The following TPRG1 variants were observed in gnomAD, a reference collection of about 807,000 sequenced individuals.
TPRG1 encodes the protein tumor protein p63 regulated 1, also known as tumor protein p63-regulated gene 1 protein.
In TPRG1, 29 loss-of-function variants were observed where a neutral mutation model predicts 29.3. The ratio of observed to expected loss-of-function variants is 0.99; its 90% CI spans 0.74 to 1.35. TPRG1 has a LOEUF of 1.35. TPRG1 is among the 40% of genes most tolerant of loss of function. TPRG1 has a pLI of 0.00. For synonymous variants in TPRG1, 130 were observed against 116.8 expected, an observed-to-expected ratio of 1.11 and a Z score of -0.73; for missense variants, 327 against 335.0, an observed-to-expected ratio of 0.98 and a Z score of 0.19.
Position 189,310,552 on chromosome 3 carries a change from T to C in TPRG1, c.633+13T>C. On this transcript the variant is annotated intron_variant, in intron 5 of 5. Transcript: ENST00000345063. Reference sequence around the variant, plus strand: ...TGAAATTTGCAAGGTAGGAGGCATCTTGGGTATTACTCTCAGATTAGCTTT... The same window carrying C: ...TGAAATTTGCAAGGTAGGAGGCATCCTGGGTATTACTCTCAGATTAGCTTT... 1.2e-6 allele frequency: 2 copies of C among 1,602,456 alleles called. No homozygotes were observed. Among genetic ancestry groups the C allele is most frequent in the Non-Finnish European group, 1.7e-6 (2 of 1,173,822 alleles).
intron 1 of TPRG1, among the ~76,000 whole-genome samples, chr3:189,114,541 C>T (rs1393355645): frequency 6.6e-6 from 1 of 152,118 alleles, no homozygotes; most frequent in Admixed American, 6.6e-5. Context: ...CCTTGGTCTC[C>T]CAAAGTGCTG....
intron 4 of TPRG1, among the ~76,000 whole-genome samples, chr3:189,076,460 T>C (rs1436830673): frequency 6.6e-6 from 1 of 152,178 alleles, no homozygotes; most frequent in African/African-American, 2.4e-5. Context: ...TATGCTCCAT[T>C]CTCAGCAAGC....
intron 1 of TPRG1, among the ~76,000 whole-genome samples, chr3:189,107,207 A>G (rs1719929521): frequency 6.6e-6 from 1 of 152,064 alleles, no homozygotes. Context: ...GACCTATTAT[A>G]TAGGGGAATG....
intron 5 of TPRG1, among the ~76,000 whole-genome samples, chr3:189,152,102 C>T (rs763596230): frequency 6.6e-6 from 1 of 152,078 alleles, no homozygotes; most frequent in South Asian, 2.1e-4. Context: ...GCACAAGGCT[C>T]TTATTCTCGT....
intron 3 of TPRG1, among the ~76,000 whole-genome samples, chr3:189,018,182 C>A (rs1402428253): frequency 6.7e-6 from 1 of 149,194 alleles, no homozygotes; most frequent in Non-Finnish European, 1.5e-5. Context: ...TTGTAGGTTG[C>A]CTGTTCACTC....
chr3:189,142,878 A>C (rs1724761146), intron 3 of TPRG1, among the ~76,000 whole-genome samples: 1 of 152,194 alleles, frequency 6.6e-6, no homozygotes, highest in South Asian at 2.1e-4. Context: ...ACCTACTTTA[A>C]TGTCAGCCTA....
intron 1 of TPRG1, among the ~76,000 whole-genome samples, chr3:189,178,210 G>T (rs1729746037): frequency 1.3e-5 from 2 of 152,194 alleles, no homozygotes; most frequent in African/African-American, 4.8e-5. Context: ...GGTTTTTATT[G>T]AGGTGGAGGA....
At chr3:189,302,685 C>A (rs1304473620) in intron 4 of TPRG1, among the ~76,000 whole-genome samples, 1 of 152,196 alleles carries the variant, frequency 6.6e-6, no homozygotes, top group African/African-American at 2.4e-5. Flanking sequence ...GTTTCTTCTC[C>A]TTTGTTCGAA....
intron 4 of TPRG1, among the ~76,000 whole-genome samples, chr3:189,273,734 C>T (rs905589717): frequency 2.6e-5 from 4 of 152,126 alleles, no homozygotes; most frequent in African/African-American, 9.7e-5. Context: ...AAAATCAGTG[C>T]TTTATTCTCC....
chr3:189,192,350 C>T (rs1731824122), intron 1 of TPRG1, among the ~76,000 whole-genome samples: 1 of 152,106 alleles, frequency 6.6e-6, no homozygotes, highest in Non-Finnish European at 1.5e-5. Flanking sequence ...ATTTGTTCAG[C>T]TAATACATAA....
At chr3:189,272,701 CTTTCTTTCTTTCTCCTTCCT>C (rs1231882504) in intron 4 of TPRG1, among the ~76,000 whole-genome samples, 1 of 131,962 alleles carries the variant, frequency 7.6e-6, no homozygotes, top group African/African-American at 3.2e-5. Context: ...CTTTCTCTTT[CTTTCTTTCTTTCTCCTTCCT>C]TCCTTCCTTC....
At chr3:189,179,028 G>A (rs902508074) in intron 1 of TPRG1, among the ~76,000 whole-genome samples, 3 of 152,250 alleles carry the variant, frequency 2.0e-5, no homozygotes, top group Admixed American at 6.5e-5. Flanking sequence ...CTGCTTGGCT[G>A]GAGGTTGGGA....
At chr3:189,001,263 AAAC>A (rs756559234) in intron 2 of TPRG1, among the ~76,000 whole-genome samples, 25 of 152,294 alleles carry the variant, frequency 1.6e-4, no homozygotes, top group East Asian at 5.8e-4. Context: ...CACAACAATA[AAAC>A]AACAACAACA....
chr3:189,080,008 G>A (rs1414302867), intron 4 of TPRG1, among the ~76,000 whole-genome samples: 5 of 152,128 alleles, frequency 3.3e-5, no homozygotes, highest in Non-Finnish European at 7.3e-5. Context: ...GATGCACGTT[G>A]TATAGCTAAA....
chr3:189,023,759 A>T (rs1413520490), exon 4 of TPRG1: 1 of 152,418 alleles, frequency 6.6e-6, no homozygotes, highest in Non-Finnish European at 1.5e-5. Context: ...GGGCTGCTGC[A>T]GTTTGCGGGG....
At chr3:189,080,971 G>A (rs984352563) in intron 4 of TPRG1, among the ~76,000 whole-genome samples, 5 of 152,074 alleles carry the variant, frequency 3.3e-5, no homozygotes, top group Admixed American at 6.5e-5. Flanking sequence ...AGTTACACGT[G>A]GGCCAGCTAG....
intron 5 of TPRG1, among the ~76,000 whole-genome samples, chr3:189,317,923 C>T (rs896384290): frequency 1.3e-5 from 2 of 152,062 alleles, no homozygotes; most frequent in African/African-American, 4.8e-5. Flanking sequence ...TGGGTAGAAA[C>T]CTCTCTTGTG....
chr3:189,048,551 T>A (rs1715109918), intron 4 of TPRG1, among the ~76,000 whole-genome samples: 1 of 152,190 alleles, frequency 6.6e-6, no homozygotes. Flanking sequence ...CTTGTTCCTC[T>A]TAGAAAGTCC....
intron 3 of TPRG1, among the ~76,000 whole-genome samples, chr3:189,227,699 T>C (rs1737978508): frequency 6.6e-6 from 1 of 152,222 alleles, no homozygotes; most frequent in Non-Finnish European, 1.5e-5. Context: ...TGAACTTCTT[T>C]GTGTGTGTGA....
Sources: gnomAD v4.1 joint callset for allele counts (sites outside exome capture counted in the v4.1 genomes callset) on GRCh38, gnomAD v4.1.1 for gene constraint, MANE v1.5 for transcripts, NCBI Gene and HGNC (gene_info 2026-07-23, HGNC 2026-07-21) for gene names.